MAP2K6: variants seen among roughly 807,000 people sequenced by gnomAD.
MAP2K6 encodes mitogen-activated protein kinase kinase 6, also known as dual specificity mitogen-activated protein kinase kinase 6.
Under a neutral mutation model 53.7 loss-of-function variants are expected in MAP2K6, and 16 were observed. That is an observed-to-expected ratio of 0.30 (90% CI 0.20 to 0.45). The LOEUF (loss-of-function observed/expected upper bound fraction) is 0.45. Ranked by LOEUF, MAP2K6 falls within the 20% of genes least tolerant of loss-of-function variation. The pLI is 1.00. For synonymous variants in MAP2K6, 132 were observed against 143.1 expected (o/e 0.92, Z 0.55); for missense variants, 204 against 411.9 (o/e 0.50, Z 4.37).
intron 1 of MAP2K6, chr17:69,433,129 G>A (rs1199190392): frequency 1.3e-5 from 2 of 152,234 alleles, no homozygotes; most frequent in East Asian, 3.8e-4. Flanking sequence ...CAGGGCAAGA[G>A]ATATCAGGCA....
At chr17:69,496,229 A>G (rs563816837) in intron 1 of MAP2K6, among the ~76,000 whole-genome samples, 12 of 150,790 alleles carry the variant, frequency 8.0e-5, no homozygotes, top group African/African-American at 2.7e-4. Context: ...TGTGTCCTTC[A>G]CCGATTCTTC....
At chr17:69,465,909 G>A (rs1053283339) in intron 1 of MAP2K6, among the ~76,000 whole-genome samples, 3 of 150,992 alleles carry the variant, frequency 2.0e-5, no homozygotes, top group Non-Finnish European at 4.4e-5. Flanking sequence ...ATGAGCCACT[G>A]CACCCAGCCC....
At chr17:69,486,030 G>A (rs1367807236) in intron 1 of MAP2K6, among the ~76,000 whole-genome samples, 1 of 152,040 alleles carries the variant, frequency 6.6e-6, no homozygotes, top group Admixed American at 6.6e-5. Flanking sequence ...TGTAAACTTT[G>A]AATGAAGAGA....
chr17:69,532,349 G>GT (rs926456261), intron 10 of MAP2K6, among the ~76,000 whole-genome samples: 3 of 152,202 alleles, frequency 2.0e-5, no homozygotes, highest in Non-Finnish European at 2.9e-5. Flanking sequence ...AAATCCTCTG[G>GT]TCAGCACAAA....
rs1261470517 is a variant in MAP2K6 at position 69,552,851 on chromosome 17, T to G, written c.*11098T>G. On this transcript the variant is annotated 3_prime_UTR_variant, in exon 12 of 12. Transcript: ENST00000590474. ...TCCTGTCACCCAGGTTGTGTGCATT[T>G]TTTTTTTCATTTGAACTATTGTTTA... 1 of 152,184 alleles carries G rather than the reference T, an allele frequency of 6.6e-6. No individual in the cohort carries two copies. Among genetic ancestry groups the G allele is most frequent in the Non-Finnish European group, 1.5e-5 (1 of 68,026 alleles). 9.4% of individuals were successfully genotyped at this position (152,184 alleles called of 1,614,324 possible).
At chr17:69,492,960 T>G (rs529026414) in intron 1 of MAP2K6, among the ~76,000 whole-genome samples, 1 of 152,186 alleles carries the variant, frequency 6.6e-6, no homozygotes, top group Admixed American at 6.5e-5. Context: ...AGTTGGTCTA[T>G]TCAGCTGAAT....
chr17:69,455,851 G>GTTTTT (rs11317793), intron 1 of MAP2K6, among the ~76,000 whole-genome samples: 5 of 95,376 alleles, frequency 5.2e-5, no homozygotes, highest in South Asian at 3.7e-4. Context: ...TGGACTTTCA[G>GTTTTT]TTTTTTTTTT....
chr17:69,533,484 T>C (rs754064467), intron 10 of MAP2K6, among the ~76,000 whole-genome samples: 6 of 152,206 alleles, frequency 3.9e-5, no homozygotes, highest in Non-Finnish European at 7.3e-5. Context: ...GGTTCTGTTG[T>C]TGACCAATGA....
At chr17:69,490,537 T>C (rs1190384974) in intron 1 of MAP2K6, among the ~76,000 whole-genome samples, 1 of 152,158 alleles carries the variant, frequency 6.6e-6, no homozygotes, top group Non-Finnish European at 1.5e-5. Flanking sequence ...AATACATTTG[T>C]TAGAGAGTGT....
chr17:69,416,424 C>T (rs1214470307), intron 1 of MAP2K6, among the ~76,000 whole-genome samples: 1 of 152,134 alleles, frequency 6.6e-6, no homozygotes, highest in Non-Finnish European at 1.5e-5. Flanking sequence ...TAAAAATCTC[C>T]TTATTGAGTA....
chr17:69,472,948 C>G (rs1458933342), intron 1 of MAP2K6, among the ~76,000 whole-genome samples: 2 of 152,160 alleles, frequency 1.3e-5, no homozygotes, highest in Non-Finnish European at 2.9e-5. Flanking sequence ...CTCAAGTGAT[C>G]CACATACCTC....
At chr17:69,447,399 G>A (rs1907005278) in intron 1 of MAP2K6, among the ~76,000 whole-genome samples, 1 of 151,584 alleles carries the variant, frequency 6.6e-6, no homozygotes, top group Non-Finnish European at 1.5e-5. Context: ...AGATTGGAGT[G>A]CAGTGGCATG....
intron 7 of MAP2K6, 46 bp from the exon 8 acceptor site, chr17:69,523,468 T>C: frequency 1.9e-6 from 3 of 1,607,124 alleles, no homozygotes; most frequent in South Asian, 2.2e-5. Context: ...AAATGAACCT[T>C]GAAAGCAGGC....
At chr17:69,458,242 G>A (rs1244715759) in intron 1 of MAP2K6, among the ~76,000 whole-genome samples, 2 of 152,030 alleles carry the variant, frequency 1.3e-5, no homozygotes, top group Non-Finnish European at 2.9e-5. Context: ...TAGTAGAGAT[G>A]GGGTTTCACC....
intron 10 of MAP2K6, among the ~76,000 whole-genome samples, chr17:69,527,137 T>C (rs1910817264): frequency 1.3e-5 from 2 of 152,170 alleles, no homozygotes; most frequent in South Asian, 4.1e-4. Context: ...GAAACTCCTT[T>C]ATGTGAGCTT....
rs144496843 is a variant in MAP2K6 at position 69,528,351 on chromosome 17, T to C, written c.881+1642T>C. ...GGAGCCTCGAGCACTAGTGTAATAG[T>C]TGTTGGATGCCTCTTAAAAGATATA... On this transcript the variant is annotated intron_variant, in intron 10 of 11. Transcript: ENST00000590474. Among the ~76,000 whole-genome samples the C allele has an allele frequency of 1.4e-3, 212 of 152,186 alleles. 2 individuals are homozygous for C. The highest frequency in any genetic ancestry group is 5.0e-3 in the African/African-American group (206 of 41,520).
In MAP2K6 at chr17:69,553,601, G is replaced by A. The variant is rs1912181295; in HGVS notation, c.*11848G>A. On this transcript the variant is annotated 3_prime_UTR_variant, in exon 12 of 12. Transcript: ENST00000590474. ...AACTGGTCTCCAGATGTGTGTATATGCGTGTAAAACTTCACACCGTGTGTG... is the reference window on the plus strand; with the variant it reads ...AACTGGTCTCCAGATGTGTGTATATACGTGTAAAACTTCACACCGTGTGTG... The A allele has an allele frequency of 6.6e-6, 1 of 152,222 alleles. No individual in the cohort carries two copies. The highest frequency in any genetic ancestry group is 1.5e-5 in the Non-Finnish European group (1 of 68,046). The allele number at this position is 152,222 out of a possible 1,614,324, so 9.4% of individuals were successfully genotyped here.
rs565603617 is a variant in MAP2K6 at position 69,430,374 on chromosome 17, A to G, written c.16+15374A>G. On this transcript the variant is annotated intron_variant, in intron 1 of 11. Coordinates refer to ENST00000590474, the MANE Select transcript of MAP2K6 (RefSeq NM_002758.4). ...AAGAAAGAATAAAATAGAGAAGCCA[A>G]TTGGAAACCAGGAATCAGAGATTGA... 9.3e-4 allele frequency among the ~76,000 whole-genome samples: 141 copies of G among 152,170 alleles called. 1 individual carries two copies. The highest frequency in any genetic ancestry group is 1.4e-3 in the Non-Finnish European group (97 of 68,020).
At chr17:69,470,799 A>G (rs1335967222) in intron 1 of MAP2K6, among the ~76,000 whole-genome samples, 1 of 152,068 alleles carries the variant, frequency 6.6e-6, no homozygotes, top group African/African-American at 2.4e-5. Context: ...AGCCCTCTGG[A>G]CACACCACAC....
Sources: gnomAD v4.1 joint callset for allele counts (sites outside exome capture counted in the v4.1 genomes callset) on GRCh38, gnomAD v4.1.1 for gene constraint, MANE v1.5 for transcripts, NCBI Gene and HGNC (gene_info 2026-07-23, HGNC 2026-07-21) for gene names.